CAMTA1: variants seen among roughly 807,000 people sequenced by gnomAD.
The protein encoded by CAMTA1 is calmodulin-binding transcription activator 1.
A neutral mutation model predicts 170.9 loss-of-function variants in CAMTA1; 27 were observed. That is an observed-to-expected ratio of 0.16 (90% CI 0.12 to 0.22). CAMTA1 has a LOEUF of 0.22. Among genes scored for constraint, CAMTA1 ranks in the 10% least tolerant of loss-of-function variants. CAMTA1 has a pLI of 1.00. For synonymous variants in CAMTA1, 833 were observed against 891.5 expected, an observed-to-expected ratio of 0.93 and a Z score of 1.17; for missense variants, 1,619 against 2,217.2, an observed-to-expected ratio of 0.73 and a Z score of 5.42.
rs1446919563 is a variant in CAMTA1, at chr1:7,325,885, G to T, written c.438+76259G>T. On this transcript the variant is annotated intron_variant, in intron 5 of 22. Transcript: ENST00000303635. The surrounding 1 kb of genome is among the most constrained non-coding windows in gnomAD (Gnocchi z 5.0). ...TTGTTTGTTTGTTTTATGAGGCAGA[G>T]TCTCGCTCTGTTGCCCAGGCTGGAG... 6.6e-6 allele frequency among the ~76,000 whole-genome samples: 1 copy of T among 152,110 alleles called. No homozygotes were observed. Among genetic ancestry groups the T allele is most frequent in the Non-Finnish European group, 1.5e-5 (1 of 68,032 alleles).
intron 3 of CAMTA1, among the ~76,000 whole-genome samples, chr1:6,937,218 T>C (rs1685479571): frequency 6.7e-6 from 1 of 149,868 alleles, no homozygotes; most frequent in African/African-American, 2.5e-5. Flanking sequence ...ACCATCATCA[T>C]TCACCACTTA....
chr1:7,675,573 C>T (rs1054821011), intron 10 of CAMTA1, among the ~76,000 whole-genome samples: 10 of 152,174 alleles, frequency 6.6e-5, no homozygotes, highest in Non-Finnish European at 1.2e-4. Flanking sequence ...CCCTGGTTTC[C>T]TGTAGGGGTG....
intron 5 of CAMTA1, among the ~76,000 whole-genome samples, chr1:7,397,226 A>T (rs1442598449): frequency 1.3e-5 from 2 of 152,050 alleles, no homozygotes; most frequent in Non-Finnish European, 2.9e-5. Flanking sequence ...ATTAGGTTGT[A>T]TGTGTTCAGA....
At chr1:7,432,931 T>G (rs1193221) in intron 5 of CAMTA1, among the ~76,000 whole-genome samples, 48,321 of 152,140 alleles carry the variant, frequency 0.32, 8,187 homozygotes, top group South Asian at 0.43. Context: ...CCTGCCTTTC[T>G]TCGTGCATAG....
chr1:6,998,248 T>C (rs1360755264), intron 3 of CAMTA1, among the ~76,000 whole-genome samples: 2 of 152,024 alleles, frequency 1.3e-5, no homozygotes, highest in Admixed American at 1.3e-4. Flanking sequence ...CAGCTAATTT[T>C]TTTTTGTATT....
At chr1:6,817,563 A>G (rs1027606400) in intron 1 of CAMTA1, among the ~76,000 whole-genome samples, 1 of 152,216 alleles carries the variant, frequency 6.6e-6, no homozygotes, top group African/African-American at 2.4e-5. Flanking sequence ...GGATACATGA[A>G]TTCCGAGCCT....
chr1:6,940,389 C>T (rs1467485769), intron 3 of CAMTA1, among the ~76,000 whole-genome samples: 1 of 152,040 alleles, frequency 6.6e-6, no homozygotes, highest in Non-Finnish European at 1.5e-5. Flanking sequence ...CCTCACCTTT[C>T]TGCTCTACTC....
chr1:7,625,776 T>C (rs1343142920), intron 6 of CAMTA1, among the ~76,000 whole-genome samples: 2 of 152,180 alleles, frequency 1.3e-5, no homozygotes, highest in Admixed American at 1.3e-4. Context: ...GGGGGACCAG[T>C]TGGCGCTTCC....
intron 5 of CAMTA1, among the ~76,000 whole-genome samples, chr1:7,273,469 C>A (rs867128602): frequency 2.0e-4 from 31 of 152,328 alleles, no homozygotes; most frequent in African/African-American, 7.5e-4. Context: ...AGAGGCCAGT[C>A]ACAAAAGACC....
intron 5 of CAMTA1, among the ~76,000 whole-genome samples, chr1:7,429,662 T>G (rs1249606443): frequency 7.0e-6 from 1 of 143,238 alleles, no homozygotes; most frequent in Non-Finnish European, 1.6e-5. Flanking sequence ...GCTGATAATA[T>G]GGATGATGAT....
chr1:6,809,247 GA>G (rs1291618925), intron 1 of CAMTA1, among the ~76,000 whole-genome samples: 6 of 151,966 alleles, frequency 3.9e-5, no homozygotes, highest in Admixed American at 3.9e-4. Flanking sequence ...GGCTGGTCTT[GA>G]ACTCCTGACC....
intron 3 of CAMTA1, among the ~76,000 whole-genome samples, chr1:6,904,060 C>T (rs1557798091): frequency 6.6e-6 from 1 of 152,202 alleles, no homozygotes; most frequent in Non-Finnish European, 1.5e-5. Flanking sequence ...CAATGTGCTG[C>T]CATTCTCATT....
chr1:7,690,724 T>C (rs2096301030), intron 11 of CAMTA1, among the ~76,000 whole-genome samples: 2 of 152,254 alleles, frequency 1.3e-5, no homozygotes, highest in South Asian at 4.1e-4. Flanking sequence ...TCACTGAGAC[T>C]TTCCGGCAAC....
At chr1:6,790,801 T>G (rs1640875146) in intron 1 of CAMTA1, among the ~76,000 whole-genome samples, 1 of 152,164 alleles carries the variant, frequency 6.6e-6, no homozygotes, top group South Asian at 2.1e-4. Context: ...TTGCCTCAAA[T>G]TCTTTGTGGG....
rs34225694 is a variant in CAMTA1 at position 7,640,904 on chromosome 1, C to A, written c.664+351C>A. ...CCGGCTGGGGAGGGAAAGTATGGAA[C>A]AGGGGAGGGGTGGCGGGAGCGGACC... On this transcript the variant is annotated intron_variant, in intron 7 of 22. Coordinates refer to ENST00000303635, the MANE Select transcript of CAMTA1 (RefSeq NM_015215.4). Among the ~76,000 whole-genome samples the A allele has an allele frequency of 2.6e-5, 4 of 152,132 alleles. No individual in the cohort carries two copies. The South Asian group carries it at 8.3e-4, about 32-fold the overall frequency.
chr1:7,448,429 G>A lies in CAMTA1; in HGVS notation c.439-19401G>A, dbSNP rs1456586623. Among the ~76,000 whole-genome samples the A allele has an allele frequency of 3.3e-5, 5 of 152,202 alleles. No individual in the cohort carries two copies. In the East Asian group the frequency reaches 9.6e-4, roughly 29 times the overall value. ...GTCTCCAGGTGGGTGCTCAGCTGAGGCCTCTGTGGAGGCCGAGGCTCTCTG... is the reference window on the plus strand; with the variant it reads ...GTCTCCAGGTGGGTGCTCAGCTGAGACCTCTGTGGAGGCCGAGGCTCTCTG... On this transcript the variant is annotated intron_variant, in intron 5 of 22. Coordinates refer to ENST00000303635, the MANE Select transcript of CAMTA1 (RefSeq NM_015215.4).
chr1:7,648,855 C>T (rs1398563495), intron 7 of CAMTA1, among the ~76,000 whole-genome samples: 1 of 152,212 alleles, frequency 6.6e-6, no homozygotes, highest in Non-Finnish European at 1.5e-5. Context: ...GGTTCTTGTG[C>T]TGGGGTCCCC....
intron 11 of CAMTA1, among the ~76,000 whole-genome samples, chr1:7,688,544 T>C (rs964726191): frequency 6.6e-6 from 1 of 152,090 alleles, no homozygotes; most frequent in Non-Finnish European, 1.5e-5. Flanking sequence ...CCGGGAGAAG[T>C]GGTCCTGAGA....
chr1:7,271,599 G>GAT (rs1553297376), intron 5 of CAMTA1, among the ~76,000 whole-genome samples: 4 of 133,876 alleles, frequency 3.0e-5, no homozygotes, highest in African/African-American at 1.3e-4. Flanking sequence ...TAGATAGATA[G>GAT]ATAGATAGAT....
Sources: allele counts gnomAD v4.1 joint callset (sites outside exome capture counted in the v4.1 genomes callset), GRCh38; gene constraint gnomAD v4.1.1; non-coding constraint Gnocchi (gnomAD v3.1); transcripts MANE v1.5; gene names NCBI Gene and HGNC (gene_info 2026-07-23, HGNC 2026-07-21).